GALNT17: variants seen among roughly 807,000 people sequenced by gnomAD.
GALNT17 encodes polypeptide N-acetylgalactosaminyltransferase 17.
GALNT17 carries 29 observed loss-of-function variants against 63.7 expected under a neutral mutation model. The ratio of observed to expected loss-of-function variants is 0.46; its 90% CI spans 0.34 to 0.62. The LOEUF is 0.62. Ranked by LOEUF, GALNT17 falls within the 20% of genes least tolerant of loss-of-function variation. The probability of loss-of-function intolerance (pLI) is 0.01; values close to 1 mark genes in which losing one functional copy is unlikely to be tolerated. For missense variants in GALNT17, 603 were observed against 799.6 expected (o/e 0.75, Z 2.97); for synonymous variants, 305 against 318.3 (o/e 0.96, Z 0.45).
At chr7:71,539,581 T>C (rs1788853961) in intron 5 of GALNT17, among the ~76,000 whole-genome samples, 1 of 152,106 alleles carries the variant, frequency 6.6e-6, no homozygotes, top group Admixed American at 6.6e-5. Context: ...CAGCAAATAT[T>C]TTTATAGCAC....
chr7:71,568,117 T>C (rs1789379922), intron 5 of GALNT17, among the ~76,000 whole-genome samples: 1 of 152,240 alleles, frequency 6.6e-6, no homozygotes, highest in Non-Finnish European at 1.5e-5. Flanking sequence ...GGGAAGCACC[T>C]TAACGGTGTT....
At chr7:71,699,905 C>A (rs1039576929) in intron 9 of GALNT17, among the ~76,000 whole-genome samples, 2 of 151,894 alleles carry the variant, frequency 1.3e-5, no homozygotes, top group Admixed American at 6.6e-5. Flanking sequence ...TGCACTGCAG[C>A]CTGAGTGATG....
chr7:71,646,526 G>C (rs1268176273), intron 6 of GALNT17, among the ~76,000 whole-genome samples: 1 of 152,076 alleles, frequency 6.6e-6, no homozygotes, highest in African/African-American at 2.4e-5. Flanking sequence ...TATTCTCTTT[G>C]CCAAGCCTGA....
chr7:71,670,880 C>CTG (rs142043206), intron 8 of GALNT17, among the ~76,000 whole-genome samples: 25,184 of 84,420 alleles, frequency 0.3, 2,929 homozygotes, highest in East Asian at 0.63. Flanking sequence ...GGCCTCCGGA[C>CTG]TGTGTGTGTG....
chr7:71,496,659 C>G (rs929313088), intron 5 of GALNT17, among the ~76,000 whole-genome samples: 2 of 152,108 alleles, frequency 1.3e-5, no homozygotes, highest in Non-Finnish European at 2.9e-5. Flanking sequence ...CACCCTCTTT[C>G]CTGTCCTAAG....
At chr7:71,289,579 T>C (rs917426718) in intron 1 of GALNT17, among the ~76,000 whole-genome samples, 1 of 150,490 alleles carries the variant, frequency 6.6e-6, no homozygotes, top group Non-Finnish European at 1.5e-5. Flanking sequence ...CTACTAAAAA[T>C]ATAAAAATTA....
chr7:71,709,920 GTATC>G (rs1408191619), intron 9 of GALNT17, among the ~76,000 whole-genome samples: 1 of 152,022 alleles, frequency 6.6e-6, no homozygotes, highest in Non-Finnish European at 1.5e-5. Context: ...GTAAAATGTG[GTATC>G]TTATTATTTT....
chr7:71,297,467 C>A (rs1292465295), intron 1 of GALNT17, among the ~76,000 whole-genome samples: 1 of 152,082 alleles, frequency 6.6e-6, no homozygotes, highest in Non-Finnish European at 1.5e-5. Flanking sequence ...TCACTTGAAC[C>A]CGGGAGGTGG....
At chr7:71,663,109 G>A (rs1197433474) in intron 6 of GALNT17, among the ~76,000 whole-genome samples, 2 of 152,122 alleles carry the variant, frequency 1.3e-5, no homozygotes, top group Admixed American at 6.5e-5. Context: ...TAGTAGCTTT[G>A]TATTAAATTT....
rs201036364 is a variant in GALNT17, at chr7:71,335,722, T to C, written c.411T>C (p.Tyr137=). 1.1e-5 allele frequency: 17 copies of C among 1,603,580 alleles called. No individual in the cohort carries two copies. The East Asian group carries it at 3.2e-4, about 30-fold the overall frequency. Residue 137 remains tyrosine (Y), a synonymous_variant, in exon 2 of 11, where the codon TAT becomes TAC. Coordinates refer to ENST00000333538, the MANE Select transcript of GALNT17 (RefSeq NM_022479.3). ...CACTGGACCGTTCCATTCCGGATTA[T>C]CGTCCCACCAAGTAAGTTCTGGTTC... is the stretch of plus-strand genomic sequence containing the variant. ...KISLDRSIPD[Y]RPTKCKELKY... is the part of the protein sequence containing the mutation.
At chr7:71,231,840 C>A (rs1334457192) in intron 1 of GALNT17, among the ~76,000 whole-genome samples, 1 of 151,888 alleles carries the variant, frequency 6.6e-6, no homozygotes, top group African/African-American at 2.4e-5. Flanking sequence ...TATGAGGGCC[C>A]CACCCTCATG....
chr7:71,639,326 C>T (rs895163355), intron 6 of GALNT17, among the ~76,000 whole-genome samples: 1 of 151,356 alleles, frequency 6.6e-6, no homozygotes, highest in Non-Finnish European at 1.5e-5. Context: ...GACCCTCTGT[C>T]CTGTCTAACT....
chr7:71,376,607 G>A (rs1165141877), intron 2 of GALNT17, among the ~76,000 whole-genome samples: 3 of 151,390 alleles, frequency 2.0e-5, no homozygotes, highest in Admixed American at 1.3e-4. Flanking sequence ...TTCCCTTTTA[G>A]AGAAAGCAGT....
At chr7:71,364,077 T>C (rs73360128) in intron 2 of GALNT17, among the ~76,000 whole-genome samples, 2,967 of 152,288 alleles carry the variant, frequency 0.019, 80 homozygotes, top group African/African-American at 0.068. Context: ...GAGTAGGTTC[T>C]TTAGTGATGA....
At chr7:71,520,080 CA>C (rs1441468753) in intron 5 of GALNT17, among the ~76,000 whole-genome samples, 1 of 152,138 alleles carries the variant, frequency 6.6e-6, no homozygotes, top group Non-Finnish European at 1.5e-5. Flanking sequence ...AAAGAGCTCA[CA>C]GTCTATGAAG....
chr7:71,701,853 A>G (rs1225767314), intron 9 of GALNT17, among the ~76,000 whole-genome samples: 1 of 26,254 alleles, frequency 3.8e-5, no homozygotes, highest in African/African-American at 1.2e-4. Flanking sequence ...GTATATATAT[A>G]TACACATATA....
At chr7:71,342,080 G>A (rs901428979) in intron 2 of GALNT17, among the ~76,000 whole-genome samples, 8 of 152,152 alleles carry the variant, frequency 5.3e-5, no homozygotes, top group African/African-American at 1.9e-4. Flanking sequence ...TTTACTGATT[G>A]TGTTAGGCCA....
At chr7:71,157,775 C>G (rs1197576838) in intron 1 of GALNT17, among the ~76,000 whole-genome samples, 3 of 151,796 alleles carry the variant, frequency 2.0e-5, no homozygotes, top group East Asian at 1.9e-4. Context: ...CACCATTCCT[C>G]CCTCCCTTTT....
intron 1 of GALNT17, among the ~76,000 whole-genome samples, chr7:71,272,817 T>TA (rs1438374400): frequency 6.6e-6 from 1 of 152,130 alleles, no homozygotes; most frequent in Non-Finnish European, 1.5e-5. Flanking sequence ...CTCTGATACT[T>TA]ACTGCTCTTG....
Sources: allele counts gnomAD v4.1 joint callset (sites outside exome capture counted in the v4.1 genomes callset), GRCh38; gene constraint gnomAD v4.1.1; transcripts MANE v1.5; gene names NCBI Gene and HGNC (gene_info 2026-07-23, HGNC 2026-07-21).